MGST2: variants seen among roughly 807,000 people sequenced by gnomAD.
The protein encoded by MGST2 is microsomal glutathione S-transferase 2.
A neutral mutation model predicts 16.6 loss-of-function variants in MGST2; 9 were observed. The ratio of observed to expected loss-of-function variants is 0.54; its 90% confidence interval spans 0.33 to 0.95. The LOEUF (loss-of-function observed/expected upper bound fraction) is 0.95, where lower values mean the gene tolerates loss of function less well. Ranked by LOEUF, MGST2 falls within the 40% of genes least tolerant of loss-of-function variation. The probability of loss-of-function intolerance (pLI) is 0.03; values close to 1 mark genes in which losing one functional copy is unlikely to be tolerated. For missense variants in MGST2, 159 were observed against 175.1 expected (o/e 0.91, Z 0.52); for synonymous variants, 79 against 68.0 (o/e 1.16, Z -0.79).
intron 3 of MGST2, among the ~76,000 whole-genome samples, chr4:139,700,126 G>GTTTTTT (rs1727157181): frequency 9.4e-6 from 1 of 106,820 alleles, no homozygotes; most frequent in Non-Finnish European, 1.9e-5. Flanking sequence ...CTTTGGTTTT[G>GTTTTTT]CTTTTTTTTT....
downstream of MGST2, among the ~76,000 whole-genome samples, chr4:139,741,095 T>C (rs1729151165): frequency 6.6e-6 from 1 of 152,086 alleles, no homozygotes; most frequent in African/African-American, 2.4e-5. Context: ...CCCATTCCTA[T>C]GAGTAGAAGC....
chr4:139,678,948 G>T, intron 2 of MGST2: 1 of 469,044 alleles, frequency 2.1e-6, no homozygotes, highest in Non-Finnish European at 3.9e-6. Flanking sequence ...CTGGAGCCTT[G>T]TGAGACCACA....
rs1041908186 is a variant in MGST2 at position 139,720,974 on chromosome 4, C to T, written c.*48+16778C>T. Among the ~76,000 whole-genome samples, 12 of 152,306 alleles carry T rather than the reference C, an allele frequency of 7.9e-5. No homozygotes were observed. The Middle Eastern group carries it at 0.017, about 216-fold the overall frequency. On this transcript the variant is annotated intron_variant, in intron 5 of 5. Transcript: ENST00000616265. ...CTATTTTGACAGATAGGACATTTTT[C>T]GGATCCACTCTGTAGATTTCAACAT...
chr4:139,719,575 G>T (rs1454165169), intron 5 of MGST2: 2 of 1,613,558 alleles, frequency 1.2e-6, no homozygotes, highest in South Asian at 2.2e-5. Flanking sequence ...GCATGCCTGG[G>T]ACTCCCTGGC....
At chr4:139,696,711 T>A (rs1170722433) in intron 3 of MGST2, among the ~76,000 whole-genome samples, 1 of 152,346 alleles carries the variant, frequency 6.6e-6, no homozygotes, top group Middle Eastern at 3.4e-3. Context: ...TACACAGTGT[T>A]CTTCAGCAAG....
At chr4:139,734,320 C>T (rs959488950) in intron 5 of MGST2, among the ~76,000 whole-genome samples, 1 of 152,214 alleles carries the variant, frequency 6.6e-6, no homozygotes, top group East Asian at 1.9e-4. Context: ...GAGCTTTCGT[C>T]ATGCGAGATG....
rs988556849 is a variant in MGST2, at chr4:139,665,899, A to T, written c.-121A>T. The T allele has an allele frequency of 3.9e-5, 37 of 956,110 alleles. No individual in the cohort carries two copies. The highest frequency in any genetic ancestry group is 4.7e-5 in the Non-Finnish European group (28 of 600,224). 59.2% of individuals were successfully genotyped at this position (956,110 alleles called of 1,614,324 possible). A position where few individuals can be genotyped will look rare whatever the true frequency, so the allele number is the denominator to read the frequency against. ...AGAGCAAAGGTCATTCAGCCGCTTG[A>T]ATCAGCCTTTTCCCCCCACCCGGTC... is the stretch of plus-strand genomic sequence containing the variant. On this transcript the variant is annotated 5_prime_UTR_variant, in exon 1 of 5. Transcript: ENST00000265498.
At chr4:139,709,145 C>T (rs934093443), downstream of MGST2, among the ~76,000 whole-genome samples, 8 of 115,430 alleles carry the variant, frequency 6.9e-5, no homozygotes, top group Admixed American at 1.3e-4. Flanking sequence ...TGCAGTGGTG[C>T]GATTTCTGCT....
chr4:139,685,651 A>T (rs570146887), intron 2 of MGST2, among the ~76,000 whole-genome samples: 53 of 152,266 alleles, frequency 3.5e-4, no homozygotes, highest in African/African-American at 1.2e-3. Context: ...TAAAATACTT[A>T]AAGAGATTTA....
chr4:139,728,088 G>T (rs1011876190), intron 5 of MGST2, among the ~76,000 whole-genome samples: 9 of 152,132 alleles, frequency 5.9e-5, no homozygotes, highest in African/African-American at 2.2e-4. Flanking sequence ...GATGGTGTTT[G>T]CCTGTGGTCC....
At chr4:139,678,078 G>A (rs1731054266) in intron 1 of MGST2, among the ~76,000 whole-genome samples, 1 of 152,146 alleles carries the variant, frequency 6.6e-6, no homozygotes, top group African/African-American at 2.4e-5. Context: ...CTGTGGAGCG[G>A]GGTCTTTGTT....
chr4:139,679,362 T>C (rs950576700), intron 2 of MGST2, among the ~76,000 whole-genome samples: 10 of 152,234 alleles, frequency 6.6e-5, no homozygotes, highest in African/African-American at 2.4e-4. Context: ...GCCTACACTT[T>C]GCCTTTCTTG....
intron 5 of MGST2, chr4:139,720,000 C>A: frequency 6.2e-7 from 1 of 1,614,112 alleles, no homozygotes; most frequent in Non-Finnish European, 8.5e-7. Flanking sequence ...TGACCAAAGC[C>A]ACTCACCATT....
At chr4:139,707,679 A>C (rs1184264834), downstream of MGST2, among the ~76,000 whole-genome samples, 4 of 149,994 alleles carry the variant, frequency 2.7e-5, no homozygotes, top group African/African-American at 7.3e-5. Context: ...CCAACAGTGT[A>C]AAAGTGTTCC....
At chr4:139,679,284 A>G (rs1176448461) in intron 2 of MGST2, among the ~76,000 whole-genome samples, 3 of 152,166 alleles carry the variant, frequency 2.0e-5, no homozygotes, top group Non-Finnish European at 4.4e-5. Flanking sequence ...ATGCGTCACC[A>G]CTGATATATC....
chr4:139,719,367 C>G (rs769878138), intron 5 of MGST2: 2 of 1,610,170 alleles, frequency 1.2e-6, no homozygotes, highest in East Asian at 4.5e-5. Flanking sequence ...ATCCACTCGT[C>G]CCCTGGCCCG....
Position 139,704,182 on chromosome 4 carries a change from G to C in MGST2, c.*34G>C. On this transcript the variant is annotated 3_prime_UTR_variant, in exon 5 of 5. Transcript: ENST00000265498. ...CTTCCCTTTAATACTTGCAGAAGCT[G>C]TTCCCACCATGAAGGTAATATGGTA... 6.2e-7 allele frequency: 1 copy of C among 1,611,192 alleles called. No homozygotes were observed. The highest frequency in any genetic ancestry group is 8.5e-7 in the Non-Finnish European group (1 of 1,177,356).
chr4:139,698,884 C>T (rs1727089701), intron 3 of MGST2, among the ~76,000 whole-genome samples: 1 of 151,684 alleles, frequency 6.6e-6, no homozygotes, highest in Non-Finnish European at 1.5e-5. Flanking sequence ...GGTGGTCAAC[C>T]ACAGCTCACA....
At position 139,739,679 on chromosome 4, in the gene MGST2, G is replaced by GTT. The variant is rs1553952725; in HGVS notation, c.*49-519_*49-518dup. On this transcript the variant is annotated intron_variant, in intron 5 of 5. Transcript: ENST00000616265. The stretch of plus-strand genomic sequence containing the variant: ...TTAAGAAAGGCAGGGGAGGAAAGCA[G>GTT]TTTTTTTTTTTTTTTCTTTTATGTC... 2.5e-3 allele frequency among the ~76,000 whole-genome samples: 333 copies of GTT among 132,344 alleles called. 1 individual carries two copies. The highest frequency in any genetic ancestry group is 8.5e-3 in the African/African-American group (302 of 35,340). The allele number at this position is 132,344 out of a possible 152,430, so 86.8% of individuals were successfully genotyped here. A position where few individuals can be genotyped will look rare whatever the true frequency, so the allele number is the denominator to read the frequency against.
Sources: gnomAD v4.1 joint callset for allele counts (sites outside exome capture counted in the v4.1 genomes callset) on GRCh38, gnomAD v4.1.1 for gene constraint, MANE v1.5 for transcripts, NCBI Gene and HGNC (gene_info 2026-07-23, HGNC 2026-07-21) for gene names.